Variants in SLC44A5 observed in about 807,000 individuals in gnomAD.
The protein encoded by SLC44A5 is solute carrier family 44 member 5, also known as choline transporter-like protein 5.
Under a neutral mutation model 101.8 loss-of-function variants are expected in SLC44A5, and 57 were observed. The observed-to-expected ratio is 0.56, with a 90% CI of 0.45 to 0.70. The LOEUF is 0.70. SLC44A5 is among the 30% of genes least tolerant of loss of function. The pLI, the probability that SLC44A5 is intolerant of heterozygous loss-of-function variation, is 0.00. For missense variants in SLC44A5, 737 were observed against 853.1 expected, an observed-to-expected ratio of 0.86 and a Z score of 1.70; for synonymous variants, 281 against 290.9, an observed-to-expected ratio of 0.97 and a Z score of 0.35.
intron 1 of SLC44A5, among the ~76,000 whole-genome samples, chr1:75,573,994 G>T (rs1040242960): frequency 6.6e-6 from 1 of 152,180 alleles, no homozygotes; most frequent in Non-Finnish European, 1.5e-5. Context: ...CAAATCTGAA[G>T]ACTGTCAGCG....
At chr1:75,386,029 C>A (rs1661313753) in intron 3 of SLC44A5, among the ~76,000 whole-genome samples, 1 of 152,114 alleles carries the variant, frequency 6.6e-6, no homozygotes, top group Non-Finnish European at 1.5e-5. Flanking sequence ...TAAAAACTCT[C>A]AATAAATTAG....
intron 3 of SLC44A5, among the ~76,000 whole-genome samples, chr1:75,344,998 T>C (rs1658144047): frequency 1.3e-5 from 2 of 152,130 alleles, no homozygotes; most frequent in Admixed American, 1.3e-4. Context: ...AGGCATTCAG[T>C]AAATATTTAC....
intron 3 of SLC44A5, among the ~76,000 whole-genome samples, chr1:75,381,861 G>A (rs1484017108): frequency 1.3e-5 from 1 of 76,096 alleles, no homozygotes; most frequent in Admixed American, 1.3e-4. Flanking sequence ...CAGTGATTAT[G>A]GGATTAATTG....
intron 3 of SLC44A5, among the ~76,000 whole-genome samples, chr1:75,352,893 G>A (rs1036830251): frequency 2.0e-5 from 3 of 152,094 alleles, no homozygotes; most frequent in Admixed American, 6.6e-5. Flanking sequence ...TGACATAGTC[G>A]TACAATAGGA....
intron 1 of SLC44A5, among the ~76,000 whole-genome samples, chr1:75,601,517 C>T (rs112717701): frequency 3.9e-5 from 6 of 152,146 alleles, no homozygotes; most frequent in African/African-American, 1.4e-4. Context: ...ATGTACCCCA[C>T]AACTTAAAGT....
rs1352565846 is a variant in SLC44A5 at position 75,203,746 on chromosome 1, G to A, written c.2135C>T (p.Pro712Leu). 1.9e-6 allele frequency: 3 copies of A among 1,548,342 alleles called. No homozygotes were observed. The highest frequency in any genetic ancestry group is 1.4e-5 in the African/African-American group (1 of 72,816). The stretch of plus-strand genomic sequence containing the variant: ...GCTCTTCTACTGCTTCCTAGTTTGT[G>A]GATTTTCCTCCTGGAAAATCTTCAG... ...PLLKIFQEEN[P>L]QTRKQ The change falls in exon 24 of 24, where the codon CCA (proline) becomes CTA (leucine). Residue 712 changes from proline to leucine, a missense_variant. By Grantham distance (98) the Pro-to-Leu change is moderately conservative. This residue lies in a region of SLC44A5 where 61 missense variants were observed against 56.5 expected (regional missense o/e 1.08). Coordinates refer to ENST00000370859, the MANE Select transcript of SLC44A5 (RefSeq NM_001130058.2).
chr1:75,225,600 C>T (rs1472173947), intron 13 of SLC44A5, among the ~76,000 whole-genome samples: 1 of 152,140 alleles, frequency 6.6e-6, no homozygotes, highest in Non-Finnish European at 1.5e-5. Context: ...CATCTCCGAA[C>T]ACAAAATAGA....
At chr1:75,246,052 A>G (rs1441846363) in intron 7 of SLC44A5, among the ~76,000 whole-genome samples, 1 of 152,098 alleles carries the variant, frequency 6.6e-6, no homozygotes, top group Admixed American at 6.6e-5. Flanking sequence ...CATTATTAGC[A>G]GTCAATAATG....
upstream of SLC44A5, among the ~76,000 whole-genome samples, chr1:75,613,630 A>G (rs937633071): frequency 2.0e-5 from 3 of 152,252 alleles, no homozygotes; most frequent in Non-Finnish European, 4.4e-5. Flanking sequence ...CCTTTAAGAA[A>G]AACATGTAGC....
At chr1:75,641,718 C>G in the SLC44A5 span, 1 of 1,564,718 alleles carries the variant, frequency 6.4e-7, no homozygotes. Context: ...ATATTCAAGT[C>G]ATTGATTACA....
the SLC44A5 span, among the ~76,000 whole-genome samples, chr1:75,678,174 G>A: frequency 1.3e-4 from 20 of 152,164 alleles, no homozygotes; most frequent in Admixed American, 9.2e-4. Context: ...AGGCTGAAGC[G>A]AGGCTGGGGG....
intron 1 of SLC44A5, among the ~76,000 whole-genome samples, chr1:75,589,099 TTCTCTC>T (rs140546743): frequency 6.6e-6 from 1 of 150,548 alleles, no homozygotes; most frequent in Non-Finnish European, 1.5e-5. Flanking sequence ...CCCTCTCTCT[TTCTCTC>T]TCTCTCTCTC....
chr1:75,316,564 G>A (rs1435572401), intron 4 of SLC44A5, among the ~76,000 whole-genome samples: 1 of 152,184 alleles, frequency 6.6e-6, no homozygotes, highest in African/African-American at 2.4e-5. Flanking sequence ...CTTCAGGGTA[G>A]AACTTGGAAC....
chr1:75,489,576 T>A (rs1248537159), intron 2 of SLC44A5, among the ~76,000 whole-genome samples: 1 of 152,222 alleles, frequency 6.6e-6, no homozygotes, highest in East Asian at 1.9e-4. Context: ...TATCTATGTT[T>A]TAGCAGGTAG....
At chr1:75,423,722 C>T (rs1664146851) in intron 2 of SLC44A5, among the ~76,000 whole-genome samples, 1 of 152,212 alleles carries the variant, frequency 6.6e-6, no homozygotes, top group Admixed American at 6.5e-5. Context: ...TACTAGCTGT[C>T]AAAGTAAATT....
At chr1:75,285,283 C>T (rs1224662988) in intron 5 of SLC44A5, among the ~76,000 whole-genome samples, 3 of 151,890 alleles carry the variant, frequency 2.0e-5, no homozygotes, top group Admixed American at 6.6e-5. Context: ...TGTGCATATA[C>T]AGGTGTTCAT....
intron 7 of SLC44A5, 60 bp from the exon 8 acceptor site, chr1:75,243,071 TAAA>T: frequency 6.6e-7 from 1 of 1,520,596 alleles, no homozygotes; most frequent in Non-Finnish European, 8.8e-7. Context: ...GAACTACCTA[TAAA>T]GCTAGACTTC....
intron 18 of SLC44A5, among the ~76,000 whole-genome samples, chr1:75,216,949 T>C (rs1213224811): frequency 5.3e-5 from 8 of 152,084 alleles, no homozygotes; most frequent in Non-Finnish European, 1.0e-4. Flanking sequence ...ATAAATGTTT[T>C]TAAATTTGAT....
At chr1:75,541,581 A>G in intron 1 of SLC44A5, 65 bp from the exon 2 acceptor site, 1 of 1,063,450 alleles carries the variant, frequency 9.4e-7, no homozygotes, top group Non-Finnish European at 1.3e-6. Flanking sequence ...TTAACAACTA[A>G]CCTTTTGGGA....
Sources: allele counts gnomAD v4.1 joint callset (sites outside exome capture counted in the v4.1 genomes callset), GRCh38; gene constraint gnomAD v4.1.1; regional missense constraint gnomAD v4.1.1; transcripts MANE v1.5; gene names NCBI Gene and HGNC (gene_info 2026-07-23, HGNC 2026-07-21).